SPRTN: variants seen among roughly 807,000 people sequenced by gnomAD.
SPRTN encodes the protein SprT-like N-terminal domain.
A neutral mutation model predicts 31.9 loss-of-function variants in SPRTN; 11 were observed. That is an observed-to-expected ratio of 0.34 (90% CI 0.22 to 0.57). The LOEUF is 0.57. SPRTN is among the 20% of genes least tolerant of loss of function. The probability of loss-of-function intolerance (pLI) is 0.86; values close to 1 mark genes in which losing one functional copy is unlikely to be tolerated. For synonymous variants in SPRTN, 185 were observed against 212.1 expected, an observed-to-expected ratio of 0.87 and a Z score of 1.11; for missense variants, 482 against 590.1, an observed-to-expected ratio of 0.82 and a Z score of 1.90.
At chr1:231,352,195 C>CT (rs1369212052) in intron 4 of SPRTN, 1 of 990,644 alleles carries the variant, frequency 1.0e-6, no homozygotes, top group Non-Finnish European at 1.2e-6. Flanking sequence ...TTTCCCAAAT[C>CT]TTTAATTATT....
At chr1:231,348,082 C>G (rs1268638249) in intron 3 of SPRTN, among the ~76,000 whole-genome samples, 157 bp downstream of exon 3, 1 of 152,204 alleles carries the variant, frequency 6.6e-6, no homozygotes, top group Non-Finnish European at 1.5e-5. Flanking sequence ...TTGTCTGGGA[C>G]TACATGGTGG....
intron 2 of SPRTN, among the ~76,000 whole-genome samples, chr1:231,341,273 CT>C (rs1325734903): frequency 1.3e-5 from 2 of 151,200 alleles, no homozygotes; most frequent in South Asian, 4.2e-4. Flanking sequence ...AAGCAGAAAA[CT>C]ATTGTGGCTA....
chr1:231,350,323 G>A (rs868562291), intron 3 of SPRTN, among the ~76,000 whole-genome samples: 1 of 152,164 alleles, frequency 6.6e-6, no homozygotes, highest in African/African-American at 2.4e-5. Context: ...ACATACAGAT[G>A]CTTCTCACTC....
intron 2 of SPRTN, among the ~76,000 whole-genome samples, chr1:231,343,259 A>G (rs924191694): frequency 6.6e-6 from 1 of 151,964 alleles, no homozygotes; most frequent in Admixed American, 6.6e-5. Context: ...CTAGGTATAT[A>G]TACCCTATAG....
chr1:231,338,383 G>A lies in SPRTN; in HGVS notation c.-1G>A. ...GGACCCCGCCTGTGATCCTGGCAAC[G>A]ATGGATGATGACTTGATGTTGGCAC... On this transcript the variant is annotated 5_prime_UTR_variant, in exon 1 of 5. Transcript: ENST00000295050. The A allele has an allele frequency of 6.2e-7, 1 of 1,613,770 alleles. No homozygotes were observed. The highest frequency in any genetic ancestry group is 8.5e-7 in the Non-Finnish European group (1 of 1,179,694).
intron 3 of SPRTN, among the ~76,000 whole-genome samples, chr1:231,349,900 T>A (rs1687172734): frequency 1.3e-5 from 2 of 152,176 alleles, no homozygotes; most frequent in East Asian, 3.9e-4. Context: ...TATTCGCGGC[T>A]ACTCGAGAGG....
rs113843993 is a variant in SPRTN, at chr1:231,351,114, A to C, written c.451-190A>C. ...GAAGTATTAACTGCTGCTGTTTCCC[A>C]TTAAAATCAACTTTTGAACAGAAAC... is the stretch of plus-strand genomic sequence containing the variant. On this transcript the variant is annotated intron_variant, in intron 3 of 4. Transcript: ENST00000295050. Among the ~76,000 whole-genome samples the C allele has an allele frequency of 8.0e-3, 1,206 of 151,370 alleles. 19 individuals are homozygous for C. The highest frequency in any genetic ancestry group is 0.028 in the African/African-American group (1,142 of 41,238).
Position 231,338,335 on chromosome 1 carries a change from T to G in SPRTN, c.-49T>G, listed in dbSNP as rs988114387. 1 of 1,601,978 alleles carries G rather than the reference T, an allele frequency of 6.2e-7. No individual in the cohort carries two copies. Among genetic ancestry groups the G allele is most frequent in the Non-Finnish European group, 8.5e-7 (1 of 1,172,640 alleles). ...AGGCGGCTTGGGGTCGCGGCGTAAC[T>G]GGGGAGCCAGCCTGACGCCGGCGGA... On this transcript the variant is annotated 5_prime_UTR_variant, in exon 1 of 5. Transcript: ENST00000295050.
chr1:231,353,419 C>G lies in SPRTN; in HGVS notation c.*58C>G. On this transcript the variant is annotated 3_prime_UTR_variant, in exon 5 of 5. Coordinates refer to ENST00000295050, the MANE Select transcript of SPRTN (RefSeq NM_032018.7). Reference sequence around the variant, plus strand: ...TTATCTCACTAATGTGCTATGTCAGCCAGTCAGGAAGTTCTGGTTAATACT... The same window carrying G: ...TTATCTCACTAATGTGCTATGTCAGGCAGTCAGGAAGTTCTGGTTAATACT... 2.7e-6 allele frequency: 4 copies of G among 1,506,028 alleles called. No homozygotes were observed. The highest frequency in any genetic ancestry group is 3.5e-6 in the Non-Finnish European group (4 of 1,137,344). The allele number at this position is 1,506,028 out of a possible 1,614,324, so 93.3% of individuals were successfully genotyped here.
chr1:231,338,995 G>A (rs1203455164), intron 1 of SPRTN, among the ~76,000 whole-genome samples: 2 of 152,212 alleles, frequency 1.3e-5, no homozygotes, highest in African/African-American at 4.8e-5. Flanking sequence ...GCCAAAGGAT[G>A]TGTGTTCTCC....
chr1:231,340,523 A>C (rs1686850213), intron 2 of SPRTN, among the ~76,000 whole-genome samples: 1 of 152,196 alleles, frequency 6.6e-6, no homozygotes, highest in African/African-American at 2.4e-5. Context: ...AACAGAGAAA[A>C]CAGGATCCAC....
At chr1:231,346,183 C>CTTTTTTTTT (rs71583771) in intron 2 of SPRTN, among the ~76,000 whole-genome samples, 21 of 89,102 alleles carry the variant, frequency 2.4e-4, no homozygotes, top group East Asian at 6.8e-4. Flanking sequence ...CTTTTCTTTT[C>CTTTTTTTTT]TTTTTTTTTT....
chr1:231,353,545 G>A lies in SPRTN; in HGVS notation c.*184G>A, dbSNP rs1687306149. 7.6e-7 allele frequency: 1 copy of A among 1,323,498 alleles called. No individual in the cohort carries two copies. 82.0% of individuals were successfully genotyped at this position (1,323,498 alleles called of 1,614,324 possible). On this transcript the variant is annotated 3_prime_UTR_variant, in exon 5 of 5. Coordinates refer to ENST00000295050, the MANE Select transcript of SPRTN (RefSeq NM_032018.7). ...TAATTTTAAGATGTTTTGTGTCTCAGGGTGCTACATTCACTCTTGCCTTAG... is the reference window on the plus strand; with the variant it reads ...TAATTTTAAGATGTTTTGTGTCTCAAGGTGCTACATTCACTCTTGCCTTAG...
Position 231,339,799 on chromosome 1 carries a change from G to A in SPRTN, c.252G>A (p.Lys84=), listed in dbSNP as rs1449166919. Residue 84 remains lysine (K), a synonymous_variant, in exon 2 of 5, where the codon AAG becomes AAA. Coordinates refer to ENST00000295050, the MANE Select transcript of SPRTN (RefSeq NM_032018.7). Reference sequence around the variant, plus strand: ...CTGGGATATGCAGCTATGAAGGGAAGGGTGGAATGTGTTCCATCCGTCTCA... The same window carrying A: ...CTGGGATATGCAGCTATGAAGGGAAAGGTGGAATGTGTTCCATCCGTCTCA... ...LCAGICSYEG[K]GGMCSIRLSE... 1.2e-6 allele frequency: 2 copies of A among 1,613,980 alleles called. No homozygotes were observed. The highest frequency in any genetic ancestry group is 1.7e-5 in the Admixed American group (1 of 60,002).
intron 2 of SPRTN, among the ~76,000 whole-genome samples, chr1:231,342,074 A>G (rs1304240522): frequency 1.3e-5 from 2 of 152,132 alleles, no homozygotes; most frequent in African/African-American, 4.8e-5. Flanking sequence ...CAAGACACCC[A>G]GACTCATACT....
rs765237168 is a variant in SPRTN at position 231,353,025 on chromosome 1, C to A, written c.1134C>A (p.Ser378=). 1.4e-5 allele frequency: 23 copies of A among 1,614,102 alleles called. No individual in the cohort carries two copies. In the South Asian group the frequency reaches 2.5e-4, roughly 18 times the overall value. ...GAAGGGTTTCATCTTCTAAGATATC[C>A]CTAAGAAATTCTTCAAAAGTAACGG... The part of the protein sequence containing the change: ...SQRRVSSSKI[S]LRNSSKVTES... Residue 378 remains serine (S), a synonymous_variant, in exon 5 of 5, where the codon TCC becomes TCA. Transcript: ENST00000295050.
At chr1:231,346,941 C>CAA (rs3071944) in intron 2 of SPRTN, among the ~76,000 whole-genome samples, 87,468 of 148,712 alleles carry the variant, frequency 0.59, 25,853 homozygotes, top group Middle Eastern at 0.65. Flanking sequence ...GACCCTGTCT[C>CAA]AAAAAAAAAA....
chr1:231,351,665 T>C lies in SPRTN; in HGVS notation c.718+94T>C, dbSNP rs1259162380. On this transcript the variant is annotated intron_variant, in intron 4 of 4. Transcript: ENST00000295050. ...CAGAGAACTGGTATTAAGATAAACT[T>C]AAGGATCGTTTCTGGTGTAGAAGTC... 2.0e-6 allele frequency: 3 copies of C among 1,525,080 alleles called. No homozygotes were observed. In the African/African-American group the frequency reaches 4.2e-5, roughly 21 times the overall value. 94.5% of individuals were successfully genotyped at this position (1,525,080 alleles called of 1,614,324 possible).
Position 231,353,138 on chromosome 1 carries a change from T to A in SPRTN, c.1247T>A (p.Val416Asp). 1 of 1,612,172 alleles carries A rather than the reference T, an allele frequency of 6.2e-7. No homozygotes were observed. The highest frequency in any genetic ancestry group is 8.5e-7 in the Non-Finnish European group (1 of 1,179,382). ...NKRPRLEDKT[V>D]FDNFFIKKEQ... ...CGACCTAGGCTAGAAGATAAGACTG[T>A]TTTTGACAATTTTTTTATCAAGAAA... The change falls in exon 5 of 5, where the codon GTT becomes GAT. Residue 416 changes from valine (V) to aspartate (D), a missense_variant. This residue lies in a region of SPRTN where 325 missense variants were observed against 350.2 expected (regional missense o/e 0.93). Transcript: ENST00000295050.
Sources: allele counts gnomAD v4.1 joint callset (sites outside exome capture counted in the v4.1 genomes callset), GRCh38; gene constraint gnomAD v4.1.1; regional missense constraint gnomAD v4.1.1; transcripts MANE v1.5; gene names NCBI Gene and HGNC (gene_info 2026-07-23, HGNC 2026-07-21).